Variants in FSTL4 observed in about 807,000 individuals in gnomAD.
FSTL4 encodes follistatin like 4, also known as follistatin-related protein 4.
FSTL4 carries 28 observed loss-of-function variants against 78.2 expected under a neutral mutation model. That is an observed-to-expected ratio of 0.36 (90% CI 0.27 to 0.49). The LOEUF is 0.49. Ranked by LOEUF, FSTL4 falls within the 20% of genes least tolerant of loss-of-function variation. The pLI is 0.98. For synonymous variants in FSTL4, 422 were observed against 440.5 expected (o/e 0.96, Z 0.53); for missense variants, 922 against 1,084.9 (o/e 0.85, Z 2.11).
chr5:133,677,860 G>A, the FSTL4 span, among the ~76,000 whole-genome samples: 10 of 152,226 alleles, frequency 6.6e-5, no homozygotes, highest in Admixed American at 1.3e-4. Context: ...TATTCTAGGT[G>A]CTGAGAAGAA....
chr5:133,267,608 G>C (rs761871585), intron 6 of FSTL4, among the ~76,000 whole-genome samples: 1 of 152,034 alleles, frequency 6.6e-6, no homozygotes, highest in East Asian at 1.9e-4. Context: ...CTTGCTAAAG[G>C]GGGGACTTGG....
the FSTL4 span, among the ~76,000 whole-genome samples, chr5:133,834,129 C>G: frequency 6.6e-6 from 1 of 152,186 alleles, no homozygotes; most frequent in Non-Finnish European, 1.5e-5. Flanking sequence ...AACCATTTTC[C>G]ATCTACTGGC....
At chr5:133,789,756 T>G in the FSTL4 span, among the ~76,000 whole-genome samples, 1 of 152,210 alleles carries the variant, frequency 6.6e-6, no homozygotes, top group African/African-American at 2.4e-5. Context: ...TCCAGGCTAG[T>G]AGATGACCAC....
intron 3 of FSTL4, among the ~76,000 whole-genome samples, chr5:133,465,476 C>T (rs906247696): frequency 1.9e-4 from 29 of 152,358 alleles, no homozygotes; most frequent in African/African-American, 5.5e-4. Context: ...ACATATTCCA[C>T]GAAGCCCCAA....
chr5:133,413,476 T>C (rs1756519862), intron 3 of FSTL4, among the ~76,000 whole-genome samples: 1 of 152,198 alleles, frequency 6.6e-6, no homozygotes, highest in Non-Finnish European at 1.5e-5. Flanking sequence ...TAACATCTTC[T>C]CTGGTTTTCT....
chr5:133,596,976 C>T lies in FSTL4; in HGVS notation c.126+6882G>A, dbSNP rs141652765. ...GGATGGCTACCCATCAAGAGAGAGG[C>T]GAGGCTGGTGGACAGATGGCTTCTC... is the stretch of plus-strand genomic sequence containing the variant. On this transcript the variant is annotated intron_variant, in intron 2 of 15. Coordinates refer to ENST00000265342, the MANE Select transcript of FSTL4 (RefSeq NM_015082.2). 6.8e-3 allele frequency among the ~76,000 whole-genome samples: 1,035 copies of T among 152,224 alleles called. 16 individuals carry two copies. The highest frequency in any genetic ancestry group is 0.012 in the Admixed American group (181 of 15,310).
chr5:133,430,933 G>A (rs569500635), intron 3 of FSTL4, among the ~76,000 whole-genome samples: 1 of 152,302 alleles, frequency 6.6e-6, no homozygotes, highest in East Asian at 1.9e-4. Flanking sequence ...CTGCAAAGTG[G>A]TGGTGAACAA....
chr5:133,304,985 T>C (rs1455627676), intron 6 of FSTL4, among the ~76,000 whole-genome samples: 3 of 152,326 alleles, frequency 2.0e-5, no homozygotes, highest in Non-Finnish European at 2.9e-5. Context: ...TGGAGGCAGA[T>C]GCATGCACTC....
chr5:133,558,040 G>A lies in FSTL4; in HGVS notation c.160+9146C>T, dbSNP rs890967282. Among the ~76,000 whole-genome samples the A allele has an allele frequency of 7.2e-5, 11 of 152,220 alleles. No individual in the cohort carries two copies. In the East Asian group the frequency reaches 1.7e-3, roughly 24 times the overall value. ...TGAACAAATGCTCTCTCTATGTTGC[G>A]GACCCAACTGAGAGGTGGCTGGCCA... On this transcript the variant is annotated intron_variant, in intron 3 of 15. Coordinates refer to ENST00000265342, the MANE Select transcript of FSTL4 (RefSeq NM_015082.2).
intron 3 of FSTL4, among the ~76,000 whole-genome samples, chr5:133,517,364 A>G (rs1758875282): frequency 1.4e-5 from 2 of 139,342 alleles, no homozygotes. Flanking sequence ...TGGAGGTTGC[A>G]TTAAGCCGAG....
At chr5:133,661,837 A>C in the FSTL4 span, among the ~76,000 whole-genome samples, 1 of 152,192 alleles carries the variant, frequency 6.6e-6, no homozygotes, top group African/African-American at 2.4e-5. Flanking sequence ...TGTTGTCCTT[A>C]ATTGGTTTAA....
At chr5:133,579,990 T>C (rs1580802172) in intron 2 of FSTL4, among the ~76,000 whole-genome samples, 1 of 152,220 alleles carries the variant, frequency 6.6e-6, no homozygotes, top group East Asian at 1.9e-4. Flanking sequence ...GCAAGTGGCG[T>C]CTGATTGGGA....
At chr5:133,432,368 A>C (rs528880953) in intron 3 of FSTL4, among the ~76,000 whole-genome samples, 1 of 152,342 alleles carries the variant, frequency 6.6e-6, no homozygotes, top group African/African-American at 2.4e-5. Context: ...ATATCTACCC[A>C]ATGCCATGAA....
the FSTL4 span, among the ~76,000 whole-genome samples, chr5:133,789,329 T>C: frequency 6.6e-6 from 1 of 152,262 alleles, no homozygotes. Context: ...GAGATGACTT[T>C]GAACTCTTAA....
rs114969092 is a variant in FSTL4, at chr5:133,373,989, G to A, written c.409+26749C>T. Among the ~76,000 whole-genome samples, 842 of 152,296 alleles carry A rather than the reference G, an allele frequency of 5.5e-3. 7 individuals are homozygous for A. The highest frequency in any genetic ancestry group is 0.018 in the African/African-American group (764 of 41,562). ...AGTAACCACACTCAGCAGCACAGAT[G>A]TGAGGGCTAAGCTGCTTGCCTCTGC... On this transcript the variant is annotated intron_variant, in intron 4 of 15. Transcript: ENST00000265342.
chr5:133,763,452 G>A, the FSTL4 span, among the ~76,000 whole-genome samples: 2,287 of 152,204 alleles, frequency 0.015, 64 homozygotes, highest in African/African-American at 0.052. Context: ...AATTCCCTTC[G>A]TGCATTTATC....
At position 133,612,127 on chromosome 5, in the gene FSTL4, C is replaced by T. The variant is rs962645897; in HGVS notation, c.-11+198G>A. On this transcript the variant is annotated intron_variant, in intron 1 of 15. Transcript: ENST00000265342. The surrounding 1 kb of genome is among the most constrained non-coding windows in gnomAD (Gnocchi z 6.2). Reference sequence around the variant, plus strand: ...CGGGGTAGCCCTGCCGAGCCCTGGCCCAGCGGTCCCTTCCCCGCGGGCAAA... The same window carrying T: ...CGGGGTAGCCCTGCCGAGCCCTGGCTCAGCGGTCCCTTCCCCGCGGGCAAA... 6.6e-6 allele frequency among the ~76,000 whole-genome samples: 1 copy of T among 152,044 alleles called. No individual in the cohort carries two copies. The highest frequency in any genetic ancestry group is 2.4e-5 in the African/African-American group (1 of 41,446).
At chr5:133,436,199 A>G (rs935059054) in intron 3 of FSTL4, among the ~76,000 whole-genome samples, 45 of 152,344 alleles carry the variant, frequency 3.0e-4, no homozygotes, top group African/African-American at 1.1e-3. Context: ...TTTATGGTAT[A>G]TGGCATTATG....
At chr5:133,389,590 T>C (rs760043380) in intron 4 of FSTL4, among the ~76,000 whole-genome samples, 29 of 152,210 alleles carry the variant, frequency 1.9e-4, no homozygotes, top group Non-Finnish European at 3.5e-4. Flanking sequence ...TGTAGCTTTA[T>C]AAGAGACATC....
Sources: gnomAD v4.1 joint callset for allele counts (sites outside exome capture counted in the v4.1 genomes callset) on GRCh38, gnomAD v4.1.1 for gene constraint, Gnocchi (gnomAD v3.1) non-coding constraint, MANE v1.5 for transcripts, NCBI Gene and HGNC (gene_info 2026-07-23, HGNC 2026-07-21) for gene names.